SYCP1: variants seen among roughly 807,000 people sequenced by gnomAD.
SYCP1 encodes cancer/testis antigen 8.
A neutral mutation model predicts 153.1 loss-of-function variants in SYCP1; 64 were observed. The observed-to-expected ratio is 0.42, with a 90% CI of 0.34 to 0.51. The LOEUF is 0.51. Among genes scored for constraint, SYCP1 ranks in the 20% least tolerant of loss-of-function variants. SYCP1 has a pLI of 0.06. For synonymous variants in SYCP1, 384 were observed against 341.8 expected, an observed-to-expected ratio of 1.12 and a Z score of -1.36; for missense variants, 997 against 1,049.0, an observed-to-expected ratio of 0.95 and a Z score of 0.68.
intron 23 of SYCP1, among the ~76,000 whole-genome samples, chr1:114,940,185 C>T (rs1394983697): frequency 1.3e-5 from 2 of 152,082 alleles, no homozygotes; most frequent in Non-Finnish European, 2.9e-5. Flanking sequence ...GCAACCTCTA[C>T]CTCCTGGGTT....
Position 114,995,120 on chromosome 1 carries a change from C to A in SYCP1, c.*101C>A. On this transcript the variant is annotated 3_prime_UTR_variant, in exon 32 of 32. Coordinates refer to ENST00000369522, the MANE Select transcript of SYCP1 (RefSeq NM_003176.4). ...GCCAAATTTTATCTGGAAGTTGAGA[C>A]TTAAAAAATACTTGCATGAATGATT... The A allele has an allele frequency of 8.6e-7, 1 of 1,166,196 alleles. No individual in the cohort carries two copies. Among genetic ancestry groups the A allele is most frequent in the South Asian group, 2.0e-5 (1 of 49,454 alleles). 72.2% of individuals were successfully genotyped at this position (1,166,196 alleles called of 1,614,324 possible).
chr1:114,910,549 A>G, intron 17 of SYCP1, 48 bp downstream of exon 17: 1 of 1,212,106 alleles, frequency 8.3e-7, no homozygotes, highest in Non-Finnish European at 1.1e-6. Context: ...TTAATAGAAC[A>G]TAGATTTATG....
chr1:114,882,857 T>G (rs1369593746), intron 12 of SYCP1, among the ~76,000 whole-genome samples: 1 of 152,192 alleles, frequency 6.6e-6, no homozygotes, highest in Non-Finnish European at 1.5e-5. Flanking sequence ...GGGCTGCAAA[T>G]CTGCCTGTGA....
intron 27 of SYCP1, among the ~76,000 whole-genome samples, chr1:114,966,965 G>C (rs145759050): frequency 6.6e-6 from 1 of 152,066 alleles, no homozygotes; most frequent in Non-Finnish European, 1.5e-5. Context: ...GATTACAGGC[G>C]TGAGCCACTG....
At chr1:114,903,175 T>C (rs1667586595) in intron 16 of SYCP1, among the ~76,000 whole-genome samples, 1 of 152,082 alleles carries the variant, frequency 6.6e-6, no homozygotes, top group Non-Finnish European at 1.5e-5. Flanking sequence ...GTGGACCCTG[T>C]CTGAAGAACA....
intron 23 of SYCP1, among the ~76,000 whole-genome samples, chr1:114,927,888 A>ACAGCTCAC (rs1490995073): frequency 1.3e-5 from 2 of 152,166 alleles, no homozygotes; most frequent in East Asian, 3.9e-4. Context: ...TGGAGTGATC[A>ACAGCTCAC]CAGCTCACCG....
chr1:114,887,941 A>C (rs1666427205), intron 15 of SYCP1, among the ~76,000 whole-genome samples: 1 of 152,054 alleles, frequency 6.6e-6, no homozygotes, highest in Non-Finnish European at 1.5e-5. Flanking sequence ...TGAGTCTCCT[A>C]ACAGAATACA....
intron 23 of SYCP1, among the ~76,000 whole-genome samples, chr1:114,929,715 A>G (rs2101753772): frequency 6.6e-6 from 1 of 152,188 alleles, no homozygotes; most frequent in Admixed American, 6.5e-5. Context: ...GCTTCAAAAT[A>G]AATGAAGCAA....
intron 23 of SYCP1, among the ~76,000 whole-genome samples, chr1:114,926,780 G>A (rs537308088): frequency 2.0e-5 from 3 of 152,086 alleles, no homozygotes; most frequent in East Asian, 3.9e-4. Context: ...ATATTCTTAA[G>A]CTTGGATTCA....
intron 27 of SYCP1, among the ~76,000 whole-genome samples, chr1:114,958,365 G>T (rs982282137): frequency 4.6e-5 from 7 of 152,114 alleles, no homozygotes; most frequent in Non-Finnish European, 1.0e-4. Flanking sequence ...ATAAGTTCCA[G>T]TGTTTGGTAG....
At chr1:114,972,275 C>A (rs538664186) in intron 27 of SYCP1, among the ~76,000 whole-genome samples, 1 of 150,066 alleles carries the variant, frequency 6.7e-6, no homozygotes, top group African/African-American at 2.5e-5. Context: ...CCTTTTCCTT[C>A]TCTCATTTTA....
At chr1:114,924,896 G>A (rs1669154873) in intron 21 of SYCP1, among the ~76,000 whole-genome samples, 1 of 152,070 alleles carries the variant, frequency 6.6e-6, no homozygotes, top group African/African-American at 2.4e-5. Context: ...TTACACTTTT[G>A]AGAGCTGTAA....
intron 13 of SYCP1, among the ~76,000 whole-genome samples, chr1:114,885,834 A>T (rs1666257945): frequency 1.3e-5 from 2 of 152,346 alleles, no homozygotes; most frequent in African/African-American, 4.8e-5. Flanking sequence ...GACCCTGGAC[A>T]GGTGACAACA....
intron 1 of SYCP1, 199 bp from the exon 2 acceptor site, chr1:114,855,242 G>A (rs543772010): frequency 1.4e-5 from 4 of 292,120 alleles, no homozygotes. Flanking sequence ...AGGGCGAAAG[G>A]GAGAAGGAAA....
Position 114,944,346 on chromosome 1 carries a change from A to C in SYCP1, c.1934A>C (p.Lys645Thr). ...QLNVYEIKVNKLELELESAKQ... is the reference protein window; with the variant it reads ...QLNVYEIKVNTLELELESAKQ... ...ATTTTTCTTTACTTAAAGGTCAATA[A>C]ATTAGAGTTAGAACTAGAAAGTGCC... Residue 645 changes from lysine to threonine, a missense_variant, in exon 24 of 32, where the codon AAA becomes ACA. This residue lies in a region of SYCP1 where 712 missense variants were observed against 682.9 expected (regional missense o/e 1.04). Coordinates refer to ENST00000369522, the MANE Select transcript of SYCP1 (RefSeq NM_003176.4). 1 of 1,587,408 alleles carries C rather than the reference A, an allele frequency of 6.3e-7. No homozygotes were observed. Among genetic ancestry groups the C allele is most frequent in the Non-Finnish European group, 8.6e-7 (1 of 1,161,302 alleles).
At chr1:114,970,298 T>C (rs1672396308) in intron 27 of SYCP1, among the ~76,000 whole-genome samples, 1 of 151,948 alleles carries the variant, frequency 6.6e-6, no homozygotes, top group Admixed American at 6.6e-5. Context: ...TCTTCAGAGA[T>C]TTTTTTTCAA....
At chr1:114,947,094 C>A in intron 26 of SYCP1, 152 bp from the exon 27 acceptor site, 1 of 646,884 alleles carries the variant, frequency 1.5e-6, no homozygotes, top group Admixed American at 3.3e-5. Context: ...AAGCTAGCAG[C>A]CTTTATATCA....
At chr1:114,933,694 T>C (rs1265315902) in intron 23 of SYCP1, among the ~76,000 whole-genome samples, 1 of 152,102 alleles carries the variant, frequency 6.6e-6, no homozygotes, top group Non-Finnish European at 1.5e-5. Context: ...ATAAACAGCA[T>C]AGAGAAGACC....
At chr1:114,956,103 C>G (rs533141517) in intron 27 of SYCP1, among the ~76,000 whole-genome samples, 5 of 152,210 alleles carry the variant, frequency 3.3e-5, no homozygotes, top group Non-Finnish European at 7.3e-5. Context: ...TACCTCGCAG[C>G]TGAGGAGTCT....
Sources: allele counts gnomAD v4.1 joint callset (sites outside exome capture counted in the v4.1 genomes callset), GRCh38; gene constraint gnomAD v4.1.1; regional missense constraint gnomAD v4.1.1; transcripts MANE v1.5; gene names NCBI Gene and HGNC (gene_info 2026-07-23, HGNC 2026-07-21).